The following BCO1 variants were observed in gnomAD, a reference collection of about 807,000 sequenced individuals.
BCO1 encodes the protein beta-carotene oxygenase 1, also known as beta,beta-carotene 15,15'-dioxygenase.
A neutral mutation model predicts 56.3 loss-of-function variants in BCO1; 54 were observed. The ratio of observed to expected loss-of-function variants is 0.96; its 90% CI spans 0.77 to 1.20. BCO1 has a LOEUF of 1.20. Ranked by LOEUF, BCO1 falls within the 50% of genes most tolerant of loss-of-function variation. The probability of loss-of-function intolerance (pLI) is 0.00; values close to 1 mark genes in which losing one functional copy is unlikely to be tolerated. For missense variants in BCO1, 801 were observed against 690.9 expected (o/e 1.16, Z -1.79); for synonymous variants, 318 against 266.1 (o/e 1.20, Z -1.90).
chr16:81,254,037 C>G (rs59905806), intron 2 of BCO1, among the ~76,000 whole-genome samples: 4,521 of 152,216 alleles, frequency 0.03, 231 homozygotes, highest in African/African-American at 0.1. Flanking sequence ...TGCATAAAGG[C>G]TAGATGATTG....
chr16:81,258,309 C>G (rs1291088666), intron 2 of BCO1, among the ~76,000 whole-genome samples: 1 of 152,174 alleles, frequency 6.6e-6, no homozygotes, highest in African/African-American at 2.4e-5. Flanking sequence ...TGAGGTTGGT[C>G]TCAATGGACT....
At chr16:81,247,808 G>A (rs1253435265) in intron 2 of BCO1, among the ~76,000 whole-genome samples, 1 of 152,016 alleles carries the variant, frequency 6.6e-6, no homozygotes, top group African/African-American at 2.4e-5. Context: ...TTACAGGCAT[G>A]AGCCACCACG....
Position 81,287,294 on chromosome 16 carries a change from G to C in BCO1, c.1303-1G>C. Reference sequence around the variant, plus strand: ...TGTGTTTTTCCTCGTTGGATGTACAGATAATAAAATATGACATTCTCACAA... The same window carrying C: ...TGTGTTTTTCCTCGTTGGATGTACACATAATAAAATATGACATTCTCACAA... On this transcript the variant is annotated splice_acceptor_variant, in intron 9 of 10. Coordinates refer to ENST00000258168, the MANE Select transcript of BCO1 (RefSeq NM_017429.3). LOFTEE classifies it high-confidence loss of function. 3 of 1,604,984 alleles carry C rather than the reference G, an allele frequency of 1.9e-6. No individual in the cohort carries two copies. The highest frequency in any genetic ancestry group is 2.6e-6 in the Non-Finnish European group (3 of 1,171,670).
intron 1 of BCO1, among the ~76,000 whole-genome samples, chr16:81,240,362 A>AT (rs922305708): frequency 1.5e-4 from 23 of 151,908 alleles, no homozygotes; most frequent in African/African-American, 2.4e-4. Flanking sequence ...TTACATTTTT[A>AT]TTTTTTTTCT....
In BCO1 at chr16:81,257,674, G is replaced by C. The variant is rs184577473; in HGVS notation, c.194-2002G>C. Among the ~76,000 whole-genome samples, 475 of 151,950 alleles carry C rather than the reference G, an allele frequency of 3.1e-3. 1 individual carries two copies. The highest frequency in any genetic ancestry group is 0.011 in the African/African-American group (439 of 41,500). ...GTGGGTCTCCTGTGGTCAGGAGTTC[G>C]AGACCAGTCTGACCAACATGGCAAA... On this transcript the variant is annotated intron_variant, in intron 2 of 10. Transcript: ENST00000258168.
In BCO1 at chr16:81,259,710, C is replaced by G. The variant is rs370221081; in HGVS notation, c.228C>G (p.Ser76Arg). ...EVYYRSKYLR[S>R]DTYNTNIEAN... The stretch of plus-strand genomic sequence containing the variant: ...ATTACAGGAGCAAATACCTGAGAAG[C>G]GATACCTACAACACCAATATTGAGG... Residue 76 changes from serine to arginine, a missense_variant, in exon 3 of 11, where the codon AGC (serine) becomes AGG (arginine). By Grantham distance (110) the Ser-to-Arg change is moderately radical. Coordinates refer to ENST00000258168, the MANE Select transcript of BCO1 (RefSeq NM_017429.3). 2.5e-6 allele frequency: 4 copies of G among 1,614,150 alleles called. No individual in the cohort carries two copies. Among genetic ancestry groups the G allele is most frequent in the East Asian group, 2.2e-5 (1 of 44,882 alleles).
chr16:81,290,087 C>G (rs1015391309), intron 10 of BCO1, among the ~76,000 whole-genome samples: 12 of 152,320 alleles, frequency 7.9e-5, no homozygotes, highest in African/African-American at 2.6e-4. Flanking sequence ...TGGTCTCAAA[C>G]TCCTGATCTG....
chr16:81,281,067 C>G lies in BCO1; in HGVS notation c.1207+105C>G, dbSNP rs937639991. On this transcript the variant is annotated intron_variant, in intron 8 of 10. Coordinates refer to ENST00000258168, the MANE Select transcript of BCO1 (RefSeq NM_017429.3). The stretch of plus-strand genomic sequence containing the variant: ...TTCCCTCCTGTGCATGGACAAGGGC[C>G]AAAAAGGAAAGGGTCTTGGGATGCC... 5 of 820,850 alleles carry G rather than the reference C, an allele frequency of 6.1e-6. No homozygotes were observed. The East Asian group carries it at 1.1e-4, about 17-fold the overall frequency. The allele number at this position is 820,850 out of a possible 1,614,324, so 50.8% of individuals were successfully genotyped here. A position where few individuals can be genotyped will look rare whatever the true frequency, so the allele number is the denominator to read the frequency against.
intron 1 of BCO1, among the ~76,000 whole-genome samples, chr16:81,241,001 A>G (rs1024470643): frequency 6.6e-6 from 1 of 151,632 alleles, no homozygotes; most frequent in Non-Finnish European, 1.5e-5. Context: ...CACCCGGCTA[A>G]TTTTGTATTT....
chr16:81,267,435 A>T (rs1046914165), intron 5 of BCO1, among the ~76,000 whole-genome samples: 2 of 152,216 alleles, frequency 1.3e-5, no homozygotes, highest in African/African-American at 4.8e-5. Context: ...CAACATGGCA[A>T]AACCCCATCT....
At chr16:81,245,674 C>T in intron 2 of BCO1, 71 bp downstream of exon 2, 1 of 1,592,444 alleles carries the variant, frequency 6.3e-7, no homozygotes, top group Non-Finnish European at 8.6e-7. Context: ...TAAAACAGCA[C>T]AAATTTATTC....
chr16:81,241,218 C>T (rs1484260949), intron 1 of BCO1, among the ~76,000 whole-genome samples: 1 of 151,768 alleles, frequency 6.6e-6, no homozygotes, highest in East Asian at 2.0e-4. Context: ...GGAGACTGGG[C>T]ATGAGAATCA....
At chr16:81,286,579 G>A (rs941401284) in intron 9 of BCO1, among the ~76,000 whole-genome samples, 6 of 152,154 alleles carry the variant, frequency 3.9e-5, no homozygotes, top group Non-Finnish European at 7.3e-5. Context: ...TTTTAGGCAG[G>A]GTGTGGTGGC....
intron 1 of BCO1, among the ~76,000 whole-genome samples, chr16:81,241,978 G>C (rs1397258433): frequency 6.6e-6 from 1 of 152,044 alleles, no homozygotes. Flanking sequence ...CTCCCACATA[G>C]GGTTGCTGCA....
At chr16:81,251,616 C>G (rs890014424) in intron 2 of BCO1, among the ~76,000 whole-genome samples, 4 of 151,568 alleles carry the variant, frequency 2.6e-5, no homozygotes, top group Non-Finnish European at 5.9e-5. Flanking sequence ...ACAAAAAAAG[C>G]AGAGTACAGA....
At chr16:81,248,064 G>T (rs952863541) in intron 2 of BCO1, among the ~76,000 whole-genome samples, 16 of 152,166 alleles carry the variant, frequency 1.1e-4, no homozygotes, top group African/African-American at 3.9e-4. Context: ...TCTGTATTAT[G>T]TCTCGTGCAC....
intron 1 of BCO1, among the ~76,000 whole-genome samples, chr16:81,242,597 A>G (rs1367894518): frequency 1.3e-5 from 2 of 151,346 alleles, no homozygotes; most frequent in African/African-American, 4.9e-5. Context: ...TTGTTCATCC[A>G]TTTCTCTCCA....
intron 1 of BCO1, among the ~76,000 whole-genome samples, chr16:81,241,373 C>T (rs1211429657): frequency 6.6e-6 from 1 of 152,056 alleles, no homozygotes; most frequent in African/African-American, 2.4e-5. Flanking sequence ...ATATTTTGTA[C>T]CCTTTACACC....
intron 2 of BCO1, among the ~76,000 whole-genome samples, chr16:81,253,280 G>A (rs1278890356): frequency 6.6e-6 from 1 of 152,142 alleles, no homozygotes; most frequent in African/African-American, 2.4e-5. Context: ...TCTGTCTACT[G>A]CATCTCAATA....
Sources: gnomAD v4.1 joint callset for allele counts (sites outside exome capture counted in the v4.1 genomes callset) on GRCh38, gnomAD v4.1.1 for gene constraint, MANE v1.5 for transcripts, NCBI Gene and HGNC (gene_info 2026-07-23, HGNC 2026-07-21) for gene names.